Variants in PCCA observed in about 807,000 individuals in gnomAD.
PCCA encodes the protein propionyl-CoA carboxylase alpha chain, mitochondrial.
A neutral mutation model predicts 101.3 loss-of-function variants in PCCA; 74 were observed. The ratio of observed to expected loss-of-function variants is 0.73; its 90% confidence interval spans 0.61 to 0.89. The LOEUF (loss-of-function observed/expected upper bound fraction) is 0.89. Ranked by LOEUF, PCCA falls within the 40% of genes least tolerant of loss-of-function variation. The pLI is 0.00. For missense variants in PCCA, 891 were observed against 907.0 expected, an observed-to-expected ratio of 0.98 and a Z score of 0.23; for synonymous variants, 294 against 313.6, an observed-to-expected ratio of 0.94 and a Z score of 0.66.
chr13:100,451,452 A>G (rs147106228), intron 21 of PCCA, among the ~76,000 whole-genome samples: 2 of 152,252 alleles, frequency 1.3e-5, no homozygotes, highest in Non-Finnish European at 2.9e-5. Context: ...CAGTCGCCTT[A>G]AGGGCCACAC....
intron 18 of PCCA, among the ~76,000 whole-genome samples, chr13:100,361,597 G>A (rs2074605179): frequency 6.6e-6 from 1 of 151,986 alleles, no homozygotes; most frequent in South Asian, 2.1e-4. Flanking sequence ...TAAGGCCAAT[G>A]ACCTAATAAA....
chr13:100,089,125 C>T lies in PCCA; in HGVS notation c.5C>T (p.Ala2Val), dbSNP rs866921443. The change falls in exon 1 of 24, where the codon GCG (alanine) becomes GTG (valine). Residue 2 changes from alanine (A) to valine (V), a missense_variant. Transcript: ENST00000376285. Reference protein sequence around the residue: MAGFWVGTAPLV... With the variant: MVGFWVGTAPLV... ...GGGCGGTCTGCGGGGACAACAATGGCGGGGTTCTGGGTCGGGACAGCACCG... is the reference window on the plus strand; with the variant it reads ...GGGCGGTCTGCGGGGACAACAATGGTGGGGTTCTGGGTCGGGACAGCACCG... 8.7e-6 allele frequency: 13 copies of T among 1,500,898 alleles called. No homozygotes were observed. Among genetic ancestry groups the T allele is most frequent in the Non-Finnish European group, 1.1e-5 (12 of 1,121,596 alleles). The allele number at this position is 1,500,898 out of a possible 1,614,324, so 93.0% of individuals were successfully genotyped here.
At chr13:100,474,124 C>T (rs999075430) in intron 21 of PCCA, among the ~76,000 whole-genome samples, 2 of 152,096 alleles carry the variant, frequency 1.3e-5, no homozygotes, top group African/African-American at 4.8e-5. Flanking sequence ...TTTCTGGTAC[C>T]TATAGTATTA....
intron 21 of PCCA, among the ~76,000 whole-genome samples, chr13:100,467,577 A>C (rs1366836180): frequency 6.6e-6 from 1 of 152,170 alleles, no homozygotes; most frequent in Non-Finnish European, 1.5e-5. Context: ...TCACCCTGTT[A>C]GCCAGGATCG....
chr13:100,419,299 C>A (rs1458944320), intron 19 of PCCA, among the ~76,000 whole-genome samples: 1 of 151,598 alleles, frequency 6.6e-6, no homozygotes, highest in Non-Finnish European at 1.5e-5. Context: ...TGGTGAAACC[C>A]CATCTCTACT....
At chr13:100,334,441 A>G (rs1355141602) in intron 17 of PCCA, among the ~76,000 whole-genome samples, 1 of 152,194 alleles carries the variant, frequency 6.6e-6, no homozygotes, top group East Asian at 1.9e-4. Context: ...CCTGATGTAA[A>G]AAGGAAAAGA....
At chr13:100,344,201 A>G (rs1213378061) in intron 18 of PCCA, among the ~76,000 whole-genome samples, 1 of 152,230 alleles carries the variant, frequency 6.6e-6, no homozygotes, top group Non-Finnish European at 1.5e-5. Flanking sequence ...GAGAAGTGTT[A>G]AGATGATGGA....
At chr13:100,434,724 A>T (rs2079805280) in intron 20 of PCCA, among the ~76,000 whole-genome samples, 1 of 152,200 alleles carries the variant, frequency 6.6e-6, no homozygotes, top group South Asian at 2.1e-4. Flanking sequence ...GTCTGGCCAC[A>T]GGAAATAGTA....
intron 19 of PCCA, among the ~76,000 whole-genome samples, chr13:100,413,990 T>TA (rs2078206626): frequency 6.6e-6 from 1 of 152,206 alleles, no homozygotes; most frequent in Non-Finnish European, 1.5e-5. Context: ...TTGTAGACCG[T>TA]AAAACTGAAA....
At chr13:100,498,066 T>G (rs772164674) in intron 21 of PCCA, among the ~76,000 whole-genome samples, 8 of 151,916 alleles carry the variant, frequency 5.3e-5, no homozygotes, top group Non-Finnish European at 1.0e-4. Flanking sequence ...AAGGTCTTGC[T>G]ATATTGCCCA....
chr13:100,097,839 C>A (rs569105798), intron 1 of PCCA, among the ~76,000 whole-genome samples: 1 of 152,142 alleles, frequency 6.6e-6, no homozygotes, highest in South Asian at 2.1e-4. Context: ...TAGTGAGAAC[C>A]CCCCAGCCGC....
chr13:100,290,225 T>G (rs1262384455), intron 12 of PCCA, among the ~76,000 whole-genome samples: 2 of 152,112 alleles, frequency 1.3e-5, no homozygotes, highest in Non-Finnish European at 2.9e-5. Flanking sequence ...CTCTTTTTTT[T>G]TCTTGAGACA....
intron 22 of PCCA, among the ~76,000 whole-genome samples, chr13:100,523,767 T>C (rs1029426471): frequency 1.3e-5 from 2 of 152,150 alleles, no homozygotes; most frequent in Admixed American, 1.3e-4. Flanking sequence ...AGCGGGGAGA[T>C]ACATCAGGCC....
intron 4 of PCCA, among the ~76,000 whole-genome samples, chr13:100,133,278 T>C (rs905929490): frequency 6.6e-6 from 1 of 152,216 alleles, no homozygotes; most frequent in African/African-American, 2.4e-5. Flanking sequence ...GAGTGTTCTT[T>C]ATGTATTCCG....
intron 8 of PCCA, among the ~76,000 whole-genome samples, chr13:100,242,001 A>G (rs943808170): frequency 2.0e-5 from 3 of 152,222 alleles, no homozygotes; most frequent in Non-Finnish European, 4.4e-5. Context: ...ATTTCTACCA[A>G]GAATATATAA....
rs370322719 is a variant in PCCA at position 100,416,596 on chromosome 13, G to A, written c.1747-9037G>A. 2.4e-4 allele frequency among the ~76,000 whole-genome samples: 37 copies of A among 151,078 alleles called. No homozygotes were observed. In the East Asian group the frequency reaches 7.2e-3, roughly 29 times the overall value. On this transcript the variant is annotated intron_variant, in intron 19 of 23. Transcript: ENST00000376285. ...TGCCCAGGGTAGAGTGCAATGGCAC[G>A]ATCTCAGCTCACTGCAACCTCCACC...
At chr13:100,453,297 T>A (rs543869966) in intron 21 of PCCA, among the ~76,000 whole-genome samples, 65 of 152,004 alleles carry the variant, frequency 4.3e-4, no homozygotes, top group African/African-American at 1.6e-3. Flanking sequence ...GGTCAGGAGT[T>A]CAAGACTAGC....
chr13:100,407,512 A>G (rs1384050602), intron 19 of PCCA, among the ~76,000 whole-genome samples: 5 of 152,246 alleles, frequency 3.3e-5, no homozygotes, highest in Non-Finnish European at 4.4e-5. Context: ...GAATTTTGCC[A>G]AAGAGCAGAT....
At chr13:100,117,331 A>C (rs979574416) in intron 4 of PCCA, among the ~76,000 whole-genome samples, 1 of 152,224 alleles carries the variant, frequency 6.6e-6, no homozygotes, top group African/African-American at 2.4e-5. Flanking sequence ...GTTATATACC[A>C]GTATAACGGT....
Sources: allele counts gnomAD v4.1 joint callset (sites outside exome capture counted in the v4.1 genomes callset), GRCh38; gene constraint gnomAD v4.1.1; transcripts MANE v1.5; gene names NCBI Gene and HGNC (gene_info 2026-07-23, HGNC 2026-07-21).